Variants in MLLT10 observed in about 807,000 individuals in gnomAD.
The protein encoded by MLLT10 is MLLT10 histone lysine methyltransferase DOT1L cofactor.
Under a neutral mutation model 129.1 loss-of-function variants are expected in MLLT10, and 30 were observed. That is an observed-to-expected ratio of 0.23 (90% confidence interval 0.17 to 0.32). The LOEUF is 0.32. Ranked by LOEUF, MLLT10 falls within the 10% of genes least tolerant of loss-of-function variation. The pLI, the probability that MLLT10 is intolerant of heterozygous loss-of-function variation, is 1.00. For synonymous variants in MLLT10, 490 were observed against 446.4 expected (o/e 1.10, Z -1.23); for missense variants, 1,119 against 1,268.3 (o/e 0.88, Z 1.79).
chr10:21,557,138 G>A (rs994764160), intron 3 of MLLT10: 13 of 1,365,712 alleles, frequency 9.5e-6, no homozygotes, highest in African/African-American at 7.3e-5. Context: ...TTTCCTCTTC[G>A]CTGTTAAACT....
intron 14 of MLLT10, among the ~76,000 whole-genome samples, chr10:21,719,477 C>T (rs1180294380): frequency 6.6e-6 from 1 of 152,196 alleles, no homozygotes; most frequent in Non-Finnish European, 1.5e-5. Flanking sequence ...AGCCTGCTCT[C>T]TTATTACTAA....
At chr10:21,669,250 C>T (rs755768353) in intron 9 of MLLT10, among the ~76,000 whole-genome samples, 7 of 151,982 alleles carry the variant, frequency 4.6e-5, no homozygotes, top group Non-Finnish European at 4.4e-5. Flanking sequence ...ATGATGGGGG[C>T]TGGGGATGGC....
chr10:21,604,969 C>A (rs965853225), intron 5 of MLLT10, among the ~76,000 whole-genome samples: 2 of 150,218 alleles, frequency 1.3e-5, no homozygotes, highest in African/African-American at 4.9e-5. Flanking sequence ...AGCTTACATT[C>A]TGATAAGGCA....
intron 3 of MLLT10, among the ~76,000 whole-genome samples, chr10:21,578,993 C>T (rs1034200024): frequency 4.6e-5 from 7 of 152,176 alleles, no homozygotes; most frequent in African/African-American, 1.4e-4. Flanking sequence ...TTTCTAGCAT[C>T]ATTTGTCTTA....
chr10:21,641,735 CAA>C lies in MLLT10; in HGVS notation c.700-9937_700-9936del, dbSNP rs200665721. On this transcript the variant is annotated intron_variant, in intron 8 of 22. Transcript: ENST00000307729. ...TAATAATAGAAATTACAAAAGCAAA[CAA>C]GACGTTGAAGAGGTAAGACTGTCTT... is the stretch of plus-strand genomic sequence containing the variant. 3.5e-3 allele frequency among the ~76,000 whole-genome samples: 533 copies of C among 152,244 alleles called. 4 individuals are homozygous for C. The highest frequency in any genetic ancestry group is 0.012 in the African/African-American group (481 of 41,546).
chr10:21,579,626 G>A (rs1194625977), intron 3 of MLLT10, among the ~76,000 whole-genome samples: 2 of 150,326 alleles, frequency 1.3e-5, no homozygotes, highest in Non-Finnish European at 3.0e-5. Context: ...GCAGTGGTGC[G>A]ATCTCGGCTC....
At chr10:21,568,265 G>T (rs2039820443) in intron 3 of MLLT10, among the ~76,000 whole-genome samples, 1 of 152,186 alleles carries the variant, frequency 6.6e-6, no homozygotes, top group African/African-American at 2.4e-5. Flanking sequence ...CTGTGATCCT[G>T]AGCTAATTTG....
At chr10:21,607,478 G>A (rs2044179258) in intron 5 of MLLT10, among the ~76,000 whole-genome samples, 1 of 151,692 alleles carries the variant, frequency 6.6e-6, no homozygotes, top group African/African-American at 2.4e-5. Context: ...GCGTCACCAC[G>A]CTCAGCTAAT....
rs1405165064 is a variant in MLLT10, at chr10:21,742,763, G to A, written c.*780G>A. ...GGGGCCACTGTGGAAAGTGCTGGTG[G>A]GGTTTGCCCTTGATCAAGTGCCTCC... On this transcript the variant is annotated 3_prime_UTR_variant, in exon 23 of 23. Coordinates refer to ENST00000307729, the MANE Select transcript of MLLT10 (RefSeq NM_001195626.3). The A allele has an allele frequency of 1.8e-5, 4 of 227,528 alleles. No individual in the cohort carries two copies. The highest frequency in any genetic ancestry group is 2.6e-5 in the Non-Finnish European group (3 of 114,586). The allele number at this position is 227,528 out of a possible 1,614,324, so 14.1% of individuals were successfully genotyped here. A position where few individuals can be genotyped will look rare whatever the true frequency, so the allele number is the denominator to read the frequency against.
Position 21,725,411 on chromosome 10 carries a change from C to A in MLLT10, c.1879-833C>A, listed in dbSNP as rs367569546. 4.8e-5 allele frequency among the ~76,000 whole-genome samples: 7 copies of A among 144,838 alleles called. No individual in the cohort carries two copies. In the East Asian group the frequency reaches 7.7e-4, roughly 16 times the overall value. On this transcript the variant is annotated intron_variant, in intron 14 of 22. Transcript: ENST00000307729. ...ATAGTTACCTTCCAACGTGCCAGTT[C>A]TTCTTTTTTAAAAATTTGTAGTTAT...
chr10:21,627,003 C>T (rs1301961874), intron 8 of MLLT10, among the ~76,000 whole-genome samples: 5 of 151,792 alleles, frequency 3.3e-5, no homozygotes, highest in East Asian at 1.9e-4. Flanking sequence ...TTTTAGACTT[C>T]GTCCTTGGGC....
At chr10:21,650,196 TA>T (rs1276304659) in intron 8 of MLLT10, among the ~76,000 whole-genome samples, 3 of 150,890 alleles carry the variant, frequency 2.0e-5, no homozygotes, top group Admixed American at 6.6e-5. Flanking sequence ...AAAATACATA[TA>T]AAAAAAAGCC....
intron 3 of MLLT10, among the ~76,000 whole-genome samples, chr10:21,565,606 C>CTT (rs1206656247): frequency 1.5e-4 from 20 of 133,450 alleles, no homozygotes; most frequent in Admixed American, 6.1e-4. Context: ...TGTGCCTGGC[C>CTT]TTTTTTTTTT....
chr10:21,677,595 T>TAGGGA (rs945824739), intron 11 of MLLT10, among the ~76,000 whole-genome samples: 1 of 152,208 alleles, frequency 6.6e-6, no homozygotes, highest in African/African-American at 2.4e-5. Context: ...CTATATTGCT[T>TAGGGA]AGGGAATCAT....
At position 21,673,729 on chromosome 10, in the gene MLLT10, G is replaced by C; in HGVS notation, c.1431G>C (p.Gly477=). 3 of 1,614,074 alleles carry C rather than the reference G, an allele frequency of 1.9e-6. No individual in the cohort carries two copies. Among genetic ancestry groups the C allele is most frequent in the Non-Finnish European group, 2.5e-6 (3 of 1,180,008 alleles). The change falls in exon 11 of 23, where the codon GGG becomes GGC. Residue 477 remains glycine (G), a synonymous_variant. Transcript: ENST00000307729. ...AAGGAAATAAACAAAGTAAGCATGG[G>C]CCTGGCAGACCCAAAGGAAACAAAA... is the stretch of plus-strand genomic sequence containing the variant. The part of the protein sequence containing the change: ...KRKGNKQSKH[G]PGRPKGNKNQ...
chr10:21,743,564 ATGTAAAAT>A lies in MLLT10; in HGVS notation c.*1583_*1590del. 5.6e-6 allele frequency: 1 copy of A among 177,886 alleles called. No homozygotes were observed. The highest frequency in any genetic ancestry group is 1.2e-5 in the Non-Finnish European group (1 of 82,464). The allele number at this position is 177,886 out of a possible 1,614,324, so 11.0% of individuals were successfully genotyped here. On this transcript the variant is annotated 3_prime_UTR_variant, in exon 23 of 23. Coordinates refer to ENST00000307729, the MANE Select transcript of MLLT10 (RefSeq NM_001195626.3). ...TTGAATGTGTTGTTATTTTACCTAGATGTAAAATTCCACATGTATTAAAATGTACAAAA... is the reference window on the plus strand; with the variant it reads ...TTGAATGTGTTGTTATTTTACCTAGATCCACATGTATTAAAATGTACAAAA...
intron 17 of MLLT10, among the ~76,000 whole-genome samples, chr10:21,731,629 GAAT>G (rs1362836109): frequency 6.6e-6 from 1 of 151,992 alleles, no homozygotes; most frequent in South Asian, 2.1e-4. Flanking sequence ...TTTGGAGGAA[GAAT>G]AATAATTATT....
intron 9 of MLLT10, among the ~76,000 whole-genome samples, chr10:21,656,903 T>C (rs763854223): frequency 1.3e-5 from 2 of 152,118 alleles, no homozygotes; most frequent in Non-Finnish European, 2.9e-5. Context: ...TAAAAGATGA[T>C]TAGATGGAAC....
intron 5 of MLLT10, among the ~76,000 whole-genome samples, chr10:21,603,728 C>T (rs2043784023): frequency 6.6e-6 from 1 of 152,126 alleles, no homozygotes; most frequent in African/African-American, 2.4e-5. Context: ...ATCAAGATAT[C>T]AGCTGGGTGG....
Sources: allele counts gnomAD v4.1 joint callset (sites outside exome capture counted in the v4.1 genomes callset), GRCh38; gene constraint gnomAD v4.1.1; transcripts MANE v1.5; gene names NCBI Gene and HGNC (gene_info 2026-07-23, HGNC 2026-07-21).